The following SERTM1 variants were observed in gnomAD, a reference collection of about 807,000 sequenced individuals.
The protein encoded by SERTM1 is serine-rich and transmembrane domain-containing protein 1.
SERTM1 carries 1 observed loss-of-function variant against 5.5 expected under a neutral mutation model. The ratio of observed to expected loss-of-function variants is 0.18; its 90% CI spans 0.06 to 0.86. The LOEUF (loss-of-function observed/expected upper bound fraction) is 0.86. Ranked by LOEUF, SERTM1 falls within the 40% of genes least tolerant of loss-of-function variation. The probability of loss-of-function intolerance (pLI) is 0.69; values close to 1 mark genes in which losing one functional copy is unlikely to be tolerated. For synonymous variants in SERTM1, 52 were observed against 55.1 expected (o/e 0.94, Z 0.25); for missense variants, 91 against 122.4 (o/e 0.74, Z 1.21).
At chr13:36,682,741 T>C (rs1352466887) in intron 1 of SERTM1, among the ~76,000 whole-genome samples, 2 of 152,186 alleles carry the variant, frequency 1.3e-5, no homozygotes, top group African/African-American at 2.4e-5. Context: ...AAGTCTTAGA[T>C]TTCTCACTGT....
intron 1 of SERTM1, among the ~76,000 whole-genome samples, chr13:36,685,895 C>A (rs1288067901): frequency 6.6e-6 from 1 of 152,120 alleles, no homozygotes; most frequent in Non-Finnish European, 1.5e-5. Context: ...ACCACGCTGG[C>A]TCTTGTGGGT....
rs1201884290 is a variant in SERTM1 at position 36,697,463 on chromosome 13, G to T, written c.*2061G>T. The T allele has an allele frequency of 9.0e-6, 1 of 111,378 alleles. No individual in the cohort carries two copies. The highest frequency in any genetic ancestry group is 2.0e-5 in the Non-Finnish European group (1 of 49,858). 6.9% of individuals were successfully genotyped at this position (111,378 alleles called of 1,614,324 possible). A position where few individuals can be genotyped will look rare whatever the true frequency, so the allele number is the denominator to read the frequency against. On this transcript the variant is annotated 3_prime_UTR_variant, in exon 2 of 2. Transcript: ENST00000315190. Reference sequence around the variant, plus strand: ...TGTTATAGAGAGAAACAAGGACATGGATGAAGTGATTTTTTTTTAAATAAA... The same window carrying T: ...TGTTATAGAGAGAAACAAGGACATGTATGAAGTGATTTTTTTTTAAATAAA...
At chr13:36,693,621 G>GTTCA (rs906176376) in intron 1 of SERTM1, among the ~76,000 whole-genome samples, 2 of 152,136 alleles carry the variant, frequency 1.3e-5, no homozygotes, top group African/African-American at 4.8e-5. Context: ...CATTAGTGCT[G>GTTCA]TTCAGCTCCA....
chr13:36,678,566 AAT>A (rs2056683402), intron 1 of SERTM1, among the ~76,000 whole-genome samples: 1 of 151,812 alleles, frequency 6.6e-6, no homozygotes. Context: ...TGCTGGGCTT[AAT>A]ACCTATGTGA....
chr13:36,681,455 CTG>C (rs1451783444), intron 1 of SERTM1, among the ~76,000 whole-genome samples: 1 of 152,138 alleles, frequency 6.6e-6, no homozygotes, highest in Non-Finnish European at 1.5e-5. Flanking sequence ...TTTTCTTTTT[CTG>C]TGCTGATTTG....
chr13:36,675,191 C>G (rs1481107811), intron 1 of SERTM1, among the ~76,000 whole-genome samples: 3 of 151,496 alleles, frequency 2.0e-5, no homozygotes, highest in Non-Finnish European at 4.4e-5. Flanking sequence ...AATTTTTCTT[C>G]GGAAAATGTT....
chr13:36,679,387 G>GATTGT (rs1555283096), intron 1 of SERTM1, among the ~76,000 whole-genome samples: 4 of 151,938 alleles, frequency 2.6e-5, no homozygotes, highest in Non-Finnish European at 5.9e-5. Context: ...TTTTTTGTTT[G>GATTGT]TTTGTTTTGT....
At chr13:36,677,019 C>G (rs567706845) in intron 1 of SERTM1, among the ~76,000 whole-genome samples, 8 of 152,204 alleles carry the variant, frequency 5.3e-5, no homozygotes, top group African/African-American at 1.9e-4. Context: ...TGTGCATTCA[C>G]GGGCCATTTC....
chr13:36,674,815 G>T (rs1278313422), intron 1 of SERTM1, among the ~76,000 whole-genome samples: 1 of 152,046 alleles, frequency 6.6e-6, no homozygotes, highest in African/African-American at 2.4e-5. Flanking sequence ...GTTTTATGTG[G>T]CGCTGAACAC....
intron 1 of SERTM1, among the ~76,000 whole-genome samples, chr13:36,677,716 T>C (rs993086665): frequency 3.3e-5 from 5 of 152,208 alleles, no homozygotes; most frequent in African/African-American, 1.2e-4. Flanking sequence ...GAGGCCAATA[T>C]AGCAGCTTTC....
intron 1 of SERTM1, among the ~76,000 whole-genome samples, chr13:36,687,850 T>C (rs2138093267): frequency 6.6e-6 from 1 of 152,292 alleles, no homozygotes; most frequent in Non-Finnish European, 1.5e-5. Flanking sequence ...CCTGGATGCC[T>C]GTGAGAGATG....
At chr13:36,687,860 G>A (rs746429978) in intron 1 of SERTM1, among the ~76,000 whole-genome samples, 1 of 152,108 alleles carries the variant, frequency 6.6e-6, no homozygotes, top group Non-Finnish European at 1.5e-5. Context: ...TGTGAGAGAT[G>A]GAGTTTCAAG....
rs1237246858 is a variant in SERTM1, at chr13:36,696,620, A to T, written c.*1218A>T. The T allele has an allele frequency of 6.0e-6, 1 of 166,934 alleles. No homozygotes were observed. Among genetic ancestry groups the T allele is most frequent in the Non-Finnish European group, 1.5e-5 (1 of 68,112 alleles). The allele number at this position is 166,934 out of a possible 1,614,324, so 10.3% of individuals were successfully genotyped here. A position where few individuals can be genotyped will look rare whatever the true frequency, so the allele number is the denominator to read the frequency against. Reference sequence around the variant, plus strand: ...TGTCTGAACTCGGCGGGCGGGTGGCAGGGGCTGTCTGTGAAATTAGGCACA... The same window carrying T: ...TGTCTGAACTCGGCGGGCGGGTGGCTGGGGCTGTCTGTGAAATTAGGCACA... On this transcript the variant is annotated 3_prime_UTR_variant, in exon 2 of 2. Coordinates refer to ENST00000315190, the MANE Select transcript of SERTM1 (RefSeq NM_203451.3).
chr13:36,685,465 A>T (rs1428091758), intron 1 of SERTM1, among the ~76,000 whole-genome samples: 1 of 152,212 alleles, frequency 6.6e-6, no homozygotes, highest in Non-Finnish European at 1.5e-5. Flanking sequence ...TATCAGATTC[A>T]TCTGGCACTG....
At chr13:36,678,904 A>G (rs2056686459) in intron 1 of SERTM1, among the ~76,000 whole-genome samples, 1 of 151,964 alleles carries the variant, frequency 6.6e-6, no homozygotes, top group Admixed American at 6.6e-5. Flanking sequence ...CTGTTATCCT[A>G]TAATGCTACC....
chr13:36,674,518 G>GGTGGGGGC (rs537513493), intron 1 of SERTM1, among the ~76,000 whole-genome samples: 1 of 152,132 alleles, frequency 6.6e-6, no homozygotes, highest in Admixed American at 6.5e-5. Flanking sequence ...CAGACACTGG[G>GGTGGGGGC]AACCGGGAAG....
At chr13:36,688,156 A>T (rs2056754624) in intron 1 of SERTM1, among the ~76,000 whole-genome samples, 1 of 152,162 alleles carries the variant, frequency 6.6e-6, no homozygotes, top group Non-Finnish European at 1.5e-5. Context: ...AAGAAAAGGA[A>T]CAGGCACCAT....
intron 1 of SERTM1, among the ~76,000 whole-genome samples, chr13:36,694,393 A>C (rs1476771250): frequency 6.6e-6 from 1 of 152,246 alleles, no homozygotes; most frequent in East Asian, 1.9e-4. Context: ...ATGGCACCTG[A>C]TTTCAAGGAG....
chr13:36,683,303 A>G (rs1428984274), intron 1 of SERTM1, among the ~76,000 whole-genome samples: 1 of 152,204 alleles, frequency 6.6e-6, no homozygotes, highest in Non-Finnish European at 1.5e-5. Flanking sequence ...GCTAACCAAA[A>G]CAGCCTTGAA....
Sources: gnomAD v4.1 joint callset for allele counts (sites outside exome capture counted in the v4.1 genomes callset) on GRCh38, gnomAD v4.1.1 for gene constraint, MANE v1.5 for transcripts, NCBI Gene and HGNC (gene_info 2026-07-23, HGNC 2026-07-21) for gene names.